The following CHD5 variants were observed in gnomAD, a reference collection of about 807,000 sequenced individuals.
The protein encoded by CHD5 is chromodomain helicase DNA binding protein 5, also known as ATP-dependent chromatin remodeler CHD5.
CHD5 carries 69 observed loss-of-function variants against 230.3 expected under a neutral mutation model. That is an observed-to-expected ratio of 0.30 (90% CI 0.25 to 0.37). CHD5 has a LOEUF of 0.37. Among genes scored for constraint, CHD5 ranks in the 10% least tolerant of loss-of-function variants. The probability of loss-of-function intolerance (pLI) is 1.00; values close to 1 mark genes in which losing one functional copy is unlikely to be tolerated. For missense variants in CHD5, 1,827 were observed against 2,622.8 expected (o/e 0.70, Z 6.63); for synonymous variants, 1,064 against 1,065.9 (o/e 1.00, Z 0.03).
At chr1:6,123,573 C>T (rs879582702) in intron 31 of CHD5, among the ~76,000 whole-genome samples, 6 of 152,044 alleles carry the variant, frequency 3.9e-5, no homozygotes, top group Non-Finnish European at 7.4e-5. Flanking sequence ...ATTACAGGCA[C>T]GTGCCACCAT....
rs1666061760 is a variant in CHD5, at chr1:6,101,855, AG to A, written c.*3618del. The A allele has an allele frequency of 3.6e-6, 1 of 279,412 alleles. No individual in the cohort carries two copies. Among genetic ancestry groups the A allele is most frequent in the Non-Finnish European group, 7.2e-6 (1 of 139,334 alleles). The allele number at this position is 279,412 out of a possible 1,614,324, so 17.3% of individuals were successfully genotyped here. A position where few individuals can be genotyped will look rare whatever the true frequency, so the allele number is the denominator to read the frequency against. On this transcript the variant is annotated 3_prime_UTR_variant, in exon 42 of 42. Transcript: ENST00000262450. ...AACATACACACAGAGTACAAAGTAA[AG>A]GTGATTGTGTTGGCTACAGCCTCTG...
At chr1:6,164,228 T>C (rs913610135) in intron 2 of CHD5, among the ~76,000 whole-genome samples, 2 of 152,250 alleles carry the variant, frequency 1.3e-5, no homozygotes, top group East Asian at 3.8e-4. Flanking sequence ...CGGAGACATT[T>C]AAACTCATAA....
intron 1 of CHD5, among the ~76,000 whole-genome samples, chr1:6,177,075 G>T (rs1557567334): frequency 6.6e-6 from 1 of 152,264 alleles, no homozygotes; most frequent in Non-Finnish European, 1.5e-5. Context: ...AACTCCCAGG[G>T]GGAGGTGGGA....
chr1:6,147,343 G>A (rs376159243), intron 9 of CHD5, among the ~76,000 whole-genome samples: 18 of 152,256 alleles, frequency 1.2e-4, no homozygotes, highest in East Asian at 7.7e-4. Context: ...CCAGGGACAC[G>A]GCAGCCCCAT....
In CHD5 at chr1:6,105,457, G is replaced by A; in HGVS notation, c.*47-30C>T. On this transcript the variant is annotated intron_variant, in intron 41 of 41. Transcript: ENST00000262450. The surrounding 1 kb of genome is among the most constrained non-coding windows in gnomAD (Gnocchi z 4.8). ...AAAACGCAAATCAGTGGGTTAAGCA[G>A]GTGGGCAGTTATAGGGGGCATCAGG... 1 of 469,664 alleles carries A rather than the reference G, an allele frequency of 2.1e-6. No homozygotes were observed. Among genetic ancestry groups the A allele is most frequent in the South Asian group, 1.6e-5 (1 of 64,338 alleles). The allele number at this position is 469,664 out of a possible 1,614,324, so 29.1% of individuals were successfully genotyped here.
chr1:6,123,386 G>A lies in CHD5; in HGVS notation c.4699+562C>T, dbSNP rs115296392. On this transcript the variant is annotated intron_variant, in intron 31 of 41. Coordinates refer to ENST00000262450, the MANE Select transcript of CHD5 (RefSeq NM_015557.3). ...AAATATTCCGGCCTTAGGCAGTGGC[G>A]ATGGTTGTACACCCTACGAATATAC... Among the ~76,000 whole-genome samples, 704 of 152,224 alleles carry A rather than the reference G, an allele frequency of 4.6e-3. 9 individuals are homozygous for A. Among genetic ancestry groups the A allele is most frequent in the African/African-American group, 0.016 (678 of 41,532 alleles).
rs757615887 is a variant in CHD5, at chr1:6,130,361, T to TG, written c.3263-34dup. On this transcript the variant is annotated intron_variant, in intron 21 of 41. Transcript: ENST00000262450. This position sits in a 1 kb window ranked among gnomAD's most constrained non-coding sequence, Gnocchi z 4.9. Reference sequence around the variant, plus strand: ...AGAGAGGCCAGCAGATGGGAGTGTTTGGGGGGGTACACCTTGGGTGGGCAG... The same window carrying TG: ...AGAGAGGCCAGCAGATGGGAGTGTTTGGGGGGGGTACACCTTGGGTGGGCAG... 2.8e-5 allele frequency: 45 copies of TG among 1,598,364 alleles called. No homozygotes were observed. Among genetic ancestry groups the TG allele is most frequent in the Admixed American group, 5.1e-5 (3 of 59,390 alleles).
chr1:6,148,887 G>A lies in CHD5; in HGVS notation c.1350C>T (p.Ile450=). The A allele has an allele frequency of 6.3e-7, 1 of 1,587,012 alleles. No homozygotes were observed. The highest frequency in any genetic ancestry group is 8.6e-7 in the Non-Finnish European group (1 of 1,165,946). The stretch of plus-strand genomic sequence containing the variant: ...GCGGGCAGAGCCATTCACCGTTTGG[G>A]ATCTCGGGCAGCGGCGGGTTGAGGC... The part of the protein sequence containing the change: ...LHCLNPPLPE[I]PNGEWLCPRC... The change falls in exon 9 of 42, where the codon ATC becomes ATT. Residue 450 remains isoleucine, a synonymous_variant. Transcript: ENST00000262450.
At position 6,149,417 on chromosome 1, in the gene CHD5, G is replaced by T. The variant is rs1666964174; in HGVS notation, c.995-5C>A. ...CATAGCCGTCACCATCATCAACTAG[G>T]GTAGGGGAGAGGCAGTCATGGAAGT... is the stretch of plus-strand genomic sequence containing the variant. On this transcript the variant is annotated splice_polypyrimidine_tract_variant and splice_region_variant and intron_variant, in intron 7 of 41. Transcript: ENST00000262450. The T allele has an allele frequency of 6.2e-7, 1 of 1,601,524 alleles. No homozygotes were observed. The highest frequency in any genetic ancestry group is 1.3e-5 in the African/African-American group (1 of 74,604).
rs1666295878 is a variant in CHD5, at chr1:6,111,826, T to C, written c.5198A>G (p.Tyr1733Cys). The C allele has an allele frequency of 1.2e-6, 2 of 1,613,486 alleles. No homozygotes were observed. The highest frequency in any genetic ancestry group is 1.7e-6 in the Non-Finnish European group (2 of 1,179,994). ...GTCATGGCGCCGGTGCCAGATGTCG[T>C]AGATTTTCCCAGAGGATACAGCAGC... ...ERAAVSSGKIYDIWHRRHDYW... is the reference protein window; with the variant it reads ...ERAAVSSGKICDIWHRRHDYW... Residue 1733 changes from tyrosine to cysteine, a missense_variant, in exon 36 of 42, where the codon TAC becomes TGC. By Grantham distance (194) the Tyr-to-Cys change is radical. Around this residue, in one of 14 missense-constraint regions of CHD5, gnomAD observed 272 missense variants for 263.2 expected, o/e 1.03. Transcript: ENST00000262450.
In CHD5 at chr1:6,128,381, C is replaced by G. The variant is rs1468863055; in HGVS notation, c.3730+118G>C. 9.1e-6 allele frequency: 10 copies of G among 1,101,964 alleles called. No individual in the cohort carries two copies. The highest frequency in any genetic ancestry group is 1.2e-5 in the Non-Finnish European group (9 of 751,454). The allele number at this position is 1,101,964 out of a possible 1,614,324, so 68.3% of individuals were successfully genotyped here. ...GAAACTGCGCTGTAACAGCCCCACTCGCCGCCCACCTGGCAGTCCCAGGAC... is the reference window on the plus strand; with the variant it reads ...GAAACTGCGCTGTAACAGCCCCACTGGCCGCCCACCTGGCAGTCCCAGGAC... On this transcript the variant is annotated intron_variant, in intron 24 of 41. Coordinates refer to ENST00000262450, the MANE Select transcript of CHD5 (RefSeq NM_015557.3). This position sits in a 1 kb window ranked among gnomAD's most constrained non-coding sequence, Gnocchi z 7.8.
intron 2 of CHD5, among the ~76,000 whole-genome samples, chr1:6,164,600 G>C (rs1279106923): frequency 6.6e-6 from 1 of 152,158 alleles, no homozygotes; most frequent in African/African-American, 2.4e-5. Context: ...CACCTGGTTG[G>C]AGGCAGAGAG....
rs1484446273 is a variant in CHD5, at chr1:6,112,294, A to ACATT, written c.5003-21_5003-18dup. 6.2e-7 allele frequency: 1 copy of ACATT among 1,609,892 alleles called. No individual in the cohort carries two copies. The highest frequency in any genetic ancestry group is 8.5e-7 in the Non-Finnish European group (1 of 1,177,256). Reference sequence around the variant, plus strand: ...TGGTGTCATCTGCCGGGGACAGATCACATTCATTCATCCATCCATCCAAAA... The same window carrying ACATT: ...TGGTGTCATCTGCCGGGGACAGATCACATTCATTCATTCATCCATCCATCCAAAA... On this transcript the variant is annotated splice_polypyrimidine_tract_variant and intron_variant, in intron 34 of 41. Transcript: ENST00000262450.
chr1:6,121,360 C>A lies in CHD5; in HGVS notation c.4780-123G>T. Reference sequence around the variant, plus strand: ...CCCGTCGCTTGCTCCTAGCCTGCTCCCCGCCGATTCAGAGCCCCGAAAAGG... The same window carrying A: ...CCCGTCGCTTGCTCCTAGCCTGCTCACCGCCGATTCAGAGCCCCGAAAAGG... On this transcript the variant is annotated intron_variant, in intron 32 of 41. Transcript: ENST00000262450. This position sits in a 1 kb window ranked among gnomAD's most constrained non-coding sequence, Gnocchi z 4.5. 1 of 1,506,582 alleles carries A rather than the reference C, an allele frequency of 6.6e-7. No individual in the cohort carries two copies. The highest frequency in any genetic ancestry group is 1.9e-5 in the Admixed American group (1 of 52,476). 93.3% of individuals were successfully genotyped at this position (1,506,582 alleles called of 1,614,324 possible). A position where few individuals can be genotyped will look rare whatever the true frequency, so the allele number is the denominator to read the frequency against.
At chr1:6,106,960 GTGGAGGGGTGGAAGGA>G (rs1298236214) in intron 38 of CHD5, among the ~76,000 whole-genome samples, 181 bp from the exon 39 acceptor site, 11 of 118,772 alleles carry the variant, frequency 9.3e-5, no homozygotes, top group Admixed American at 1.6e-4. Flanking sequence ...GAGAGGAGGG[GTGGAGGGGTGGAAGGA>G]TGGAGGGGTG....
At chr1:6,115,709 G>A (rs961124056) in intron 33 of CHD5, among the ~76,000 whole-genome samples, 1 of 152,118 alleles carries the variant, frequency 6.6e-6, no homozygotes, top group Non-Finnish European at 1.5e-5. Flanking sequence ...GCATGGATGT[G>A]GACTTTTCCC....
At chr1:6,165,051 C>T (rs1667230929) in intron 2 of CHD5, among the ~76,000 whole-genome samples, 1 of 152,038 alleles carries the variant, frequency 6.6e-6, no homozygotes, top group East Asian at 1.9e-4. Flanking sequence ...AGGACCTGGA[C>T]AAAAACAAAA....
chr1:6,174,084 A>G (rs1236850806), intron 1 of CHD5, among the ~76,000 whole-genome samples: 2 of 149,466 alleles, frequency 1.3e-5, no homozygotes, highest in African/African-American at 4.9e-5. Flanking sequence ...GGCCCAGGGC[A>G]TGGGTGGGGA....
At chr1:6,170,954 G>A (rs763340214) in intron 1 of CHD5, among the ~76,000 whole-genome samples, 2 of 152,186 alleles carry the variant, frequency 1.3e-5, no homozygotes, top group African/African-American at 2.4e-5. Context: ...GCAGGAGACC[G>A]CCTGGGCAGA....
Sources: gnomAD v4.1 joint callset for allele counts (sites outside exome capture counted in the v4.1 genomes callset) on GRCh38, gnomAD v4.1.1 for gene constraint, gnomAD v4.1.1 regional missense constraint, Gnocchi (gnomAD v3.1) non-coding constraint, MANE v1.5 for transcripts, NCBI Gene and HGNC (gene_info 2026-07-23, HGNC 2026-07-21) for gene names.